Variants in GFRA1 observed in about 807,000 individuals in gnomAD.
GFRA1 encodes the protein GDNF family receptor alpha-1.
GFRA1 carries 16 observed loss-of-function variants against 51.6 expected under a neutral mutation model. That is an observed-to-expected ratio of 0.31 (90% CI 0.21 to 0.47). GFRA1 has a LOEUF of 0.47. Ranked by LOEUF, GFRA1 falls within the 20% of genes least tolerant of loss-of-function variation. The pLI is 1.00. For synonymous variants in GFRA1, 270 were observed against 241.3 expected, an observed-to-expected ratio of 1.12 and a Z score of -1.10; for missense variants, 530 against 594.3, an observed-to-expected ratio of 0.89 and a Z score of 1.13.
intron 4 of GFRA1, among the ~76,000 whole-genome samples, chr10:116,219,125 C>T (rs1965759904): frequency 6.6e-6 from 1 of 152,140 alleles, no homozygotes; most frequent in Non-Finnish European, 1.5e-5. Context: ...CTTGGAAAAG[C>T]AATGCAAGAG....
chr10:116,159,947 C>T (rs1959579824), intron 5 of GFRA1, among the ~76,000 whole-genome samples: 1 of 152,172 alleles, frequency 6.6e-6, no homozygotes, highest in African/African-American at 2.4e-5. Flanking sequence ...ATAAGGATTC[C>T]AATATACAGA....
intron 4 of GFRA1, among the ~76,000 whole-genome samples, chr10:116,261,258 A>G (rs1969280722): frequency 6.6e-6 from 1 of 152,172 alleles, no homozygotes; most frequent in Non-Finnish European, 1.5e-5. Flanking sequence ...ACTTGTCATC[A>G]CTGTCCTAGA....
At chr10:116,247,196 G>C (rs1053531847) in intron 4 of GFRA1, among the ~76,000 whole-genome samples, 1 of 151,954 alleles carries the variant, frequency 6.6e-6, no homozygotes, top group Non-Finnish European at 1.5e-5. Context: ...AAAATTCCTA[G>C]AAGCCATCCC....
intron 5 of GFRA1, among the ~76,000 whole-genome samples, chr10:116,171,053 A>G (rs748861062): frequency 9.2e-5 from 14 of 152,226 alleles, no homozygotes; most frequent in Non-Finnish European, 1.5e-4. Context: ...TCTCTCCCTG[A>G]CAGTCAGGAA....
At chr10:116,257,923 C>CG (rs1229961882) in intron 4 of GFRA1, among the ~76,000 whole-genome samples, 4 of 152,280 alleles carry the variant, frequency 2.6e-5, no homozygotes, top group Admixed American at 2.6e-4. Flanking sequence ...TGTGCCTTTG[C>CG]CCAGGCTGTT....
rs568585341 is a variant in GFRA1 at position 116,109,754 on chromosome 10, C to T, written c.771-12990G>A. Reference sequence around the variant, plus strand: ...AGTGACCCAGTAGGGGCTGGCCTGGCCGGGACGACCATCATGGGGACCTGC... The same window carrying T: ...AGTGACCCAGTAGGGGCTGGCCTGGTCGGGACGACCATCATGGGGACCTGC... On this transcript the variant is annotated intron_variant, in intron 6 of 10. Coordinates refer to ENST00000355422, the MANE Select transcript of GFRA1 (RefSeq NM_005264.8). Among the ~76,000 whole-genome samples the T allele has an allele frequency of 2.7e-3, 418 of 152,312 alleles. 2 individuals carry two copies. Among genetic ancestry groups the T allele is most frequent in the African/African-American group, 9.1e-3 (379 of 41,574 alleles).
chr10:116,214,686 T>G (rs1446920511), intron 4 of GFRA1, among the ~76,000 whole-genome samples: 2 of 152,206 alleles, frequency 1.3e-5, no homozygotes, highest in Admixed American at 1.3e-4. Flanking sequence ...GAAATAAGAT[T>G]AGTCTTTGAA....
At chr10:116,225,629 G>A (rs989541376) in intron 4 of GFRA1, among the ~76,000 whole-genome samples, 4 of 142,000 alleles carry the variant, frequency 2.8e-5, no homozygotes, top group Non-Finnish European at 6.0e-5. Flanking sequence ...TTGCTCTATT[G>A]TCCAGGCTGG....
In GFRA1 at chr10:116,134,816, T is replaced by G. The variant is rs2134066222; in HGVS notation, c.434-9259A>C. Among the ~76,000 whole-genome samples, 4 of 152,214 alleles carry G rather than the reference T, an allele frequency of 2.6e-5. 1 individual carries two copies. Among genetic ancestry groups the G allele is most frequent in the Admixed American group, 2.6e-4 (4 of 15,300 alleles). On this transcript the variant is annotated intron_variant, in intron 5 of 10. Coordinates refer to ENST00000355422, the MANE Select transcript of GFRA1 (RefSeq NM_005264.8). Reference sequence around the variant, plus strand: ...ATGGGCTAGCCTTATCCATTAGCGCTTCCATTTCCTTAACGCACATTCTGT... The same window carrying G: ...ATGGGCTAGCCTTATCCATTAGCGCGTCCATTTCCTTAACGCACATTCTGT...
At chr10:116,097,688 C>A (rs1279674493) in intron 6 of GFRA1, among the ~76,000 whole-genome samples, 1 of 152,226 alleles carries the variant, frequency 6.6e-6, no homozygotes, top group Non-Finnish European at 1.5e-5. Context: ...TATGGAAGAA[C>A]ACAATGGACT....
intron 4 of GFRA1, among the ~76,000 whole-genome samples, chr10:116,267,339 G>A (rs1391098215): frequency 6.6e-6 from 1 of 151,532 alleles, no homozygotes. Flanking sequence ...GGTGGCAGGT[G>A]CATGTAATCC....
chr10:116,141,520 G>T (rs1024696184), intron 5 of GFRA1, among the ~76,000 whole-genome samples: 1 of 152,086 alleles, frequency 6.6e-6, no homozygotes, highest in African/African-American at 2.4e-5. Flanking sequence ...GAAACCGAGG[G>T]GGTTGGGGGA....
At chr10:116,116,841 T>C (rs1050997819) in intron 6 of GFRA1, among the ~76,000 whole-genome samples, 8 of 152,208 alleles carry the variant, frequency 5.3e-5, no homozygotes, top group African/African-American at 1.9e-4. Context: ...GAGGCTCTTA[T>C]GGACATGATG....
intron 10 of GFRA1, 73 bp from the exon 11 acceptor site, chr10:116,064,617 C>G: frequency 7.5e-7 from 1 of 1,338,690 alleles, no homozygotes; most frequent in Non-Finnish European, 1.1e-6. Flanking sequence ...TACACTCTCT[C>G]TCCCCCCGAC....
At chr10:116,263,550 C>T (rs775693825) in intron 4 of GFRA1, among the ~76,000 whole-genome samples, 7 of 152,154 alleles carry the variant, frequency 4.6e-5, no homozygotes, top group Non-Finnish European at 1.0e-4. Flanking sequence ...TGCAAAGGTA[C>T]GGAGGGATGA....
chr10:116,083,312 C>T (rs1955939436), intron 9 of GFRA1, among the ~76,000 whole-genome samples: 1 of 152,204 alleles, frequency 6.6e-6, no homozygotes, highest in African/African-American at 2.4e-5. Flanking sequence ...TCTCTTTCCT[C>T]GCTTCTATCT....
At chr10:116,258,347 CAT>C (rs1181210109) in intron 4 of GFRA1, among the ~76,000 whole-genome samples, 1 of 145,246 alleles carries the variant, frequency 6.9e-6, no homozygotes, top group Non-Finnish European at 1.5e-5. Context: ...ATAAATGTAA[CAT>C]ATATAATATA....
At chr10:116,201,410 T>A (rs2134389431) in intron 5 of GFRA1, among the ~76,000 whole-genome samples, 1 of 152,242 alleles carries the variant, frequency 6.6e-6, no homozygotes, top group African/African-American at 2.4e-5. Flanking sequence ...CTCCATCCAA[T>A]CTCAACCCAG....
chr10:116,271,373 G>C (rs1379118928), intron 2 of GFRA1, among the ~76,000 whole-genome samples: 1 of 152,088 alleles, frequency 6.6e-6, no homozygotes, highest in Admixed American at 6.5e-5. Context: ...GTTTGCTCCA[G>C]AGCCTGCGCT....
Sources: gnomAD v4.1 joint callset for allele counts (sites outside exome capture counted in the v4.1 genomes callset) on GRCh38, gnomAD v4.1.1 for gene constraint, MANE v1.5 for transcripts, NCBI Gene and HGNC (gene_info 2026-07-23, HGNC 2026-07-21) for gene names.